Variants in PAPPA2 observed in about 807,000 individuals in gnomAD.
PAPPA2 encodes the protein pappalysin-2.
A neutral mutation model predicts 176.4 loss-of-function variants in PAPPA2; 86 were observed. That is an observed-to-expected ratio of 0.49 (90% CI 0.41 to 0.58). The LOEUF is 0.58. PAPPA2 is among the 20% of genes least tolerant of loss of function. PAPPA2 has a pLI of 0.00. For synonymous variants in PAPPA2, 809 were observed against 852.2 expected, an observed-to-expected ratio of 0.95 and a Z score of 0.88; for missense variants, 2,073 against 2,256.9, an observed-to-expected ratio of 0.92 and a Z score of 1.65.
chr1:176,697,899 C>A (rs749659221), intron 7 of PAPPA2, among the ~76,000 whole-genome samples: 1 of 152,092 alleles, frequency 6.6e-6, no homozygotes, highest in Non-Finnish European at 1.5e-5. Context: ...AACTACACTA[C>A]CAATTTTTGT....
At chr1:176,758,030 A>G (rs1663511310) in intron 14 of PAPPA2, among the ~76,000 whole-genome samples, 1 of 152,180 alleles carries the variant, frequency 6.6e-6, no homozygotes, top group South Asian at 2.1e-4. Context: ...CTCTGTGCTG[A>G]GACTTAAATA....
At chr1:176,680,205 T>G (rs1659515451) in intron 4 of PAPPA2, among the ~76,000 whole-genome samples, 1 of 152,232 alleles carries the variant, frequency 6.6e-6, no homozygotes. Flanking sequence ...GTGACTGCAC[T>G]TGAATAGTCT....
At chr1:176,799,797 G>A (rs1384116907) in intron 20 of PAPPA2, among the ~76,000 whole-genome samples, 47 of 152,160 alleles carry the variant, frequency 3.1e-4, no homozygotes, top group Admixed American at 3.1e-3. Flanking sequence ...ACACCACTCT[G>A]AAAATTTCGG....
rs996545233 is a variant in PAPPA2 at position 176,611,261 on chromosome 1, T to C, written c.1991+15666T>C. On this transcript the variant is annotated intron_variant, in intron 3 of 22. Transcript: ENST00000367662. ...TATGGGGGCATAATGTCACAGAGAA[T>C]TGGCATCTGGCATCTATAAGAAGAT... Among the ~76,000 whole-genome samples the C allele has an allele frequency of 7.2e-5, 11 of 152,254 alleles. No homozygotes were observed. The South Asian group carries it at 1.7e-3, about 23-fold the overall frequency.
intron 14 of PAPPA2, among the ~76,000 whole-genome samples, chr1:176,742,194 A>T (rs746280645): frequency 6.6e-6 from 1 of 152,228 alleles, no homozygotes; most frequent in Non-Finnish European, 1.5e-5. Flanking sequence ...AATTCTGCTC[A>T]GTATCTCTGA....
At chr1:176,465,644 T>A (rs1391067791) in intron 1 of PAPPA2, among the ~76,000 whole-genome samples, 1 of 152,080 alleles carries the variant, frequency 6.6e-6, no homozygotes, top group Non-Finnish European at 1.5e-5. Flanking sequence ...CATTCTTTTT[T>A]TTTTTTTTTA....
At chr1:176,802,388 C>A (rs1665719359) in intron 21 of PAPPA2, among the ~76,000 whole-genome samples, 1 of 151,968 alleles carries the variant, frequency 6.6e-6, no homozygotes, top group African/African-American at 2.4e-5. Flanking sequence ...AAAGAAAGGA[C>A]AAGAGAGGCT....
chr1:176,654,872 G>T (rs921812588), intron 3 of PAPPA2, among the ~76,000 whole-genome samples: 23 of 151,538 alleles, frequency 1.5e-4, no homozygotes, highest in Non-Finnish European at 3.0e-4. Flanking sequence ...TTTTCAGTTT[G>T]ATCATTATTG....
chr1:176,608,334 A>G (rs553470930), intron 3 of PAPPA2, among the ~76,000 whole-genome samples: 2 of 152,244 alleles, frequency 1.3e-5, no homozygotes, highest in Admixed American at 6.5e-5. Flanking sequence ...TTATCTGTTC[A>G]ATTTCTTTCC....
chr1:176,816,168 A>G (rs1361512314), intron 21 of PAPPA2, among the ~76,000 whole-genome samples: 114 of 118,746 alleles, frequency 9.6e-4, no homozygotes, highest in Non-Finnish European at 1.8e-3. Context: ...ATATATATAT[A>G]TATATATATA....
chr1:176,670,727 G>A (rs1658945323), intron 3 of PAPPA2, among the ~76,000 whole-genome samples: 1 of 152,118 alleles, frequency 6.6e-6, no homozygotes, highest in Non-Finnish European at 1.5e-5. Context: ...TGTCAAATAT[G>A]GAGTATCCAT....
chr1:176,799,601 CAT>C (rs571092671), intron 20 of PAPPA2, among the ~76,000 whole-genome samples: 2 of 152,302 alleles, frequency 1.3e-5, no homozygotes, highest in South Asian at 4.1e-4. Flanking sequence ...CTGAGGTCCA[CAT>C]TTAGTTGAAG....
rs149018486 is a variant in PAPPA2 at position 176,468,148 on chromosome 1, A to C, written c.-917+4730A>C. On this transcript the variant is annotated intron_variant, in intron 1 of 22. Transcript: ENST00000367662. Reference sequence around the variant, plus strand: ...GCTGAATTCACATTTGGACTATGTGAGTAAGCACCAGAGAGGAAGGTGATG... The same window carrying C: ...GCTGAATTCACATTTGGACTATGTGCGTAAGCACCAGAGAGGAAGGTGATG... Among the ~76,000 whole-genome samples, 493 of 152,324 alleles carry C rather than the reference A, an allele frequency of 3.2e-3. 3 individuals are homozygous for C. The highest frequency in any genetic ancestry group is 0.011 in the African/African-American group (473 of 41,584).
intron 2 of PAPPA2, among the ~76,000 whole-genome samples, chr1:176,565,903 T>A (rs1192985225): frequency 6.6e-6 from 1 of 152,114 alleles, no homozygotes; most frequent in African/African-American, 2.4e-5. Flanking sequence ...TCTTCTGGCT[T>A]CTTGAAGGTA....
intron 2 of PAPPA2, among the ~76,000 whole-genome samples, chr1:176,563,630 T>A (rs191922580): frequency 6.6e-6 from 1 of 152,260 alleles, no homozygotes; most frequent in Admixed American, 6.5e-5. Flanking sequence ...TTGTAGAAAG[T>A]TTGCTAACTC....
intron 12 of PAPPA2, among the ~76,000 whole-genome samples, chr1:176,717,749 C>G (rs531652676): frequency 6.6e-6 from 1 of 152,344 alleles, no homozygotes; most frequent in African/African-American, 2.4e-5. Flanking sequence ...TATTTTTTCT[C>G]TCTTTGTTCT....
intron 1 of PAPPA2, among the ~76,000 whole-genome samples, chr1:176,530,245 T>TA (rs1217913341): frequency 6.6e-6 from 1 of 152,168 alleles, no homozygotes; most frequent in African/African-American, 2.4e-5. Context: ...GAAGACAGGT[T>TA]AAAACCTCAC....
chr1:176,682,563 C>T lies in PAPPA2; in HGVS notation c.2138-7574C>T, dbSNP rs182246076. ...CATGTAATGTCTTGATGCAGGCATACAATGTGTGGTGATCAGTTATTTCTT... is the reference window on the plus strand; with the variant it reads ...CATGTAATGTCTTGATGCAGGCATATAATGTGTGGTGATCAGTTATTTCTT... On this transcript the variant is annotated intron_variant, in intron 4 of 22. Coordinates refer to ENST00000367662, the MANE Select transcript of PAPPA2 (RefSeq NM_020318.3). Among the ~76,000 whole-genome samples, 460 of 152,130 alleles carry T rather than the reference C, an allele frequency of 3.0e-3. 7 individuals carry two copies. Among genetic ancestry groups the T allele is most frequent in the Admixed American group, 0.027 (410 of 15,260 alleles).
chr1:176,796,640 TTTC>T (rs1665447190), intron 20 of PAPPA2, among the ~76,000 whole-genome samples: 3 of 151,366 alleles, frequency 2.0e-5, no homozygotes, highest in Admixed American at 6.6e-5. Flanking sequence ...TTTTCTTTCT[TTTC>T]TTTTCTTTCT....
Sources: allele counts gnomAD v4.1 joint callset (sites outside exome capture counted in the v4.1 genomes callset), GRCh38; gene constraint gnomAD v4.1.1; transcripts MANE v1.5; gene names NCBI Gene and HGNC (gene_info 2026-07-23, HGNC 2026-07-21).